Variants in CRACD observed in about 807,000 individuals in gnomAD.
CRACD encodes capping protein-inhibiting regulator of actin dynamics.
CRACD carries 56 observed loss-of-function variants against 106.8 expected under a neutral mutation model. The ratio of observed to expected loss-of-function variants is 0.52; its 90% CI spans 0.42 to 0.66. The LOEUF (loss-of-function observed/expected upper bound fraction) is 0.66, where lower values mean the gene tolerates loss of function less well. Among genes scored for constraint, CRACD ranks in the 30% least tolerant of loss-of-function variants. The probability of loss-of-function intolerance (pLI) is 0.00; values close to 1 mark genes in which losing one functional copy is unlikely to be tolerated. For synonymous variants in CRACD, 754 were observed against 670.8 expected, an observed-to-expected ratio of 1.12 and a Z score of -1.92; for missense variants, 1,730 against 1,623.2, an observed-to-expected ratio of 1.07 and a Z score of -1.13.
At chr4:56,255,376 C>T (rs965501388) in intron 2 of CRACD, among the ~76,000 whole-genome samples, 1 of 152,050 alleles carries the variant, frequency 6.6e-6, no homozygotes, top group Non-Finnish European at 1.5e-5. Flanking sequence ...TTATCAGCAC[C>T]ATTCTGCTCT....
At chr4:56,303,994 T>A (rs940379443) in intron 4 of CRACD, among the ~76,000 whole-genome samples, 3 of 152,336 alleles carry the variant, frequency 2.0e-5, no homozygotes, top group Middle Eastern at 3.4e-3. Flanking sequence ...GATGCACACT[T>A]TCATTCTAAA....
At chr4:56,326,947 C>T (rs1246505464) in intron 10 of CRACD, among the ~76,000 whole-genome samples, 1 of 151,660 alleles carries the variant, frequency 6.6e-6, no homozygotes, top group Non-Finnish European at 1.5e-5. Context: ...ACCATGTTGG[C>T]CAGGCTGGTC....
chr4:56,318,129 A>T (rs1315740142), intron 8 of CRACD, among the ~76,000 whole-genome samples: 1 of 152,044 alleles, frequency 6.6e-6, no homozygotes, highest in African/African-American at 2.4e-5. Context: ...GCCTTTACAG[A>T]AGACCCCATA....
chr4:56,321,500 T>C (rs1746107297), intron 8 of CRACD, among the ~76,000 whole-genome samples: 1 of 152,240 alleles, frequency 6.6e-6, no homozygotes, highest in African/African-American at 2.4e-5. Flanking sequence ...AGTTCAGATG[T>C]AGTGTTTAGC....
intron 2 of CRACD, among the ~76,000 whole-genome samples, chr4:56,188,686 T>TCTCACACA (rs1553908658): frequency 1.1e-5 from 1 of 92,132 alleles, no homozygotes; most frequent in African/African-American, 4.9e-5. Flanking sequence ...TCTCTCTCTC[T>TCTCACACA]CACACACACA....
intron 1 of CRACD, among the ~76,000 whole-genome samples, chr4:56,145,438 T>C (rs965751673): frequency 6.6e-6 from 1 of 152,166 alleles, no homozygotes; most frequent in Non-Finnish European, 1.5e-5. Flanking sequence ...AGGTTTAGTA[T>C]GTAGTTTTCA....
chr4:56,250,659 C>G (rs2109587083), intron 2 of CRACD, among the ~76,000 whole-genome samples: 1 of 152,272 alleles, frequency 6.6e-6, no homozygotes, highest in South Asian at 2.1e-4. Flanking sequence ...TGGTTTGAAT[C>G]TCAGCACTGC....
chr4:56,162,989 A>T (rs543083688), intron 1 of CRACD, among the ~76,000 whole-genome samples: 1 of 152,342 alleles, frequency 6.6e-6, no homozygotes, highest in African/African-American at 2.4e-5. Flanking sequence ...ATGAATGGGC[A>T]TGGCTGTCGT....
chr4:56,275,107 C>A (rs189866990), intron 3 of CRACD, among the ~76,000 whole-genome samples: 6 of 152,066 alleles, frequency 3.9e-5, no homozygotes, highest in Non-Finnish European at 5.9e-5. Context: ...AAGACGGTAA[C>A]AACAGACACT....
chr4:56,084,754 T>G (rs951369845), intron 1 of CRACD, among the ~76,000 whole-genome samples: 1 of 152,196 alleles, frequency 6.6e-6, no homozygotes, highest in East Asian at 1.9e-4. Flanking sequence ...TTTTAATGAA[T>G]GATCATTCAA....
chr4:56,317,259 C>T (rs918939522), intron 8 of CRACD, among the ~76,000 whole-genome samples: 1 of 152,142 alleles, frequency 6.6e-6, no homozygotes, highest in African/African-American at 2.4e-5. Context: ...GTGCCCAACG[C>T]CAGAGGCAGC....
At chr4:56,317,164 G>A (rs1308534381) in intron 8 of CRACD, among the ~76,000 whole-genome samples, 2 of 152,160 alleles carry the variant, frequency 1.3e-5, no homozygotes, top group African/African-American at 4.8e-5. Context: ...CCTCTGGATG[G>A]TCTGTTTGAT....
chr4:56,262,105 C>T (rs1034151010), intron 2 of CRACD, among the ~76,000 whole-genome samples: 1 of 152,126 alleles, frequency 6.6e-6, no homozygotes, highest in African/African-American at 2.4e-5. Flanking sequence ...AGAAATACAT[C>T]AATACAATAA....
chr4:56,289,997 C>G (rs1743612731), intron 3 of CRACD, among the ~76,000 whole-genome samples: 1 of 152,192 alleles, frequency 6.6e-6, no homozygotes, highest in Admixed American at 6.5e-5. Context: ...GGGGCCCTTT[C>G]TGCAGTGGCT....
Position 56,315,557 on chromosome 4 carries a change from C to T in CRACD, c.2055C>T (p.Ser685=). 6.2e-7 allele frequency: 1 copy of T among 1,614,144 alleles called. No homozygotes were observed. Among genetic ancestry groups the T allele is most frequent in the South Asian group, 1.1e-5 (1 of 91,090 alleles). The change falls in exon 8 of 11, where the codon AGC becomes AGT. Residue 685 remains serine, a synonymous_variant. Transcript: ENST00000682029. This position sits in a 1 kb window ranked among gnomAD's most constrained non-coding sequence, Gnocchi z 4.1. ...ILKNAESDPR[S]SERDQLRPGD... ...AGAACGCAGAGAGTGACCCGCGCAG[C>T]AGCGAGAGGGACCAGTTGAGGCCCG...
At chr4:56,321,365 T>C (rs1222199268) in intron 8 of CRACD, 1 of 153,236 alleles carries the variant, frequency 6.5e-6, no homozygotes, top group Non-Finnish European at 1.5e-5. Flanking sequence ...AGAGATTTCT[T>C]TTTTCAAATT....
At chr4:56,061,185 T>G (rs193189025) in intron 1 of CRACD, among the ~76,000 whole-genome samples, 14 of 152,288 alleles carry the variant, frequency 9.2e-5, no homozygotes, top group African/African-American at 3.1e-4. Flanking sequence ...CTCTCTCTTT[T>G]TTTGAGGCAA....
chr4:56,294,862 C>T (rs183321255), intron 3 of CRACD, among the ~76,000 whole-genome samples: 172 of 140,530 alleles, frequency 1.2e-3, no homozygotes, highest in Admixed American at 6.1e-3. Context: ...TACACTAAGC[C>T]GAGATCATGC....
intron 1 of CRACD, among the ~76,000 whole-genome samples, chr4:56,094,791 G>T (rs1733540101): frequency 6.6e-6 from 1 of 151,864 alleles, no homozygotes; most frequent in South Asian, 2.1e-4. Flanking sequence ...CTACATTTCT[G>T]GTAATAAAAG....
Sources: allele counts gnomAD v4.1 joint callset (sites outside exome capture counted in the v4.1 genomes callset), GRCh38; gene constraint gnomAD v4.1.1; non-coding constraint Gnocchi (gnomAD v3.1); transcripts MANE v1.5; gene names NCBI Gene and HGNC (gene_info 2026-07-23, HGNC 2026-07-21).